Variants in LOC400499 observed in about 807,000 individuals in gnomAD.
chr16:11,374,799 C>A, the LOC400499 span, among the ~76,000 whole-genome samples: 1 of 152,116 alleles, frequency 6.6e-6, no homozygotes, highest in Non-Finnish European at 1.5e-5. Flanking sequence ...ATGTGTGAGA[C>A]CCTTTGAATT....
At chr16:11,431,165 C>G in the LOC400499 span, 2 of 399,028 alleles carry the variant, frequency 5.0e-6, no homozygotes, top group Non-Finnish European at 8.8e-6. Flanking sequence ...CTCCATTCCT[C>G]AGATGCCTTG....
chr16:11,426,890 C>T, the LOC400499 span, among the ~76,000 whole-genome samples: 1 of 92,824 alleles, frequency 1.1e-5, no homozygotes, highest in Admixed American at 1.4e-4. Flanking sequence ...GAACAAGACC[C>T]CATCTCAAAA....
the LOC400499 span, among the ~76,000 whole-genome samples, chr16:11,416,611 G>C: frequency 6.6e-6 from 1 of 152,138 alleles, no homozygotes; most frequent in Non-Finnish European, 1.5e-5. Context: ...GAAAAACAAA[G>C]GTATTTGTAT....
the LOC400499 span, among the ~76,000 whole-genome samples, chr16:11,465,708 G>A: frequency 6.6e-6 from 1 of 151,888 alleles, no homozygotes; most frequent in East Asian, 1.9e-4. Context: ...AGGGGTTTGA[G>A]GCTGCAGTGA....
At chr16:11,428,173 T>C in the LOC400499 span, among the ~76,000 whole-genome samples, 2 of 152,070 alleles carry the variant, frequency 1.3e-5, no homozygotes, top group Non-Finnish European at 1.5e-5. Flanking sequence ...GCCTCCCCTT[T>C]GTGTTTATTT....
At chr16:11,513,174 T>G in the LOC400499 span, among the ~76,000 whole-genome samples, 11 of 151,644 alleles carry the variant, frequency 7.3e-5, no homozygotes, top group African/African-American at 2.4e-4. Context: ...GAGGGCGAGG[T>G]GGAAGGATTA....
chr16:11,488,776 G>A, the LOC400499 span: 3 of 398,926 alleles, frequency 7.5e-6, no homozygotes, highest in Admixed American at 4.4e-5. Context: ...CCTGGCTGAG[G>A]ATGTCCTCGG....
At chr16:11,500,933 C>A in the LOC400499 span, 1 of 398,982 alleles carries the variant, frequency 2.5e-6, no homozygotes. Context: ...CACAGTGCTC[C>A]GTCCCACAGG....
chr16:11,429,364 C>G, the LOC400499 span, among the ~76,000 whole-genome samples: 1 of 152,132 alleles, frequency 6.6e-6, no homozygotes, highest in Non-Finnish European at 1.5e-5. Flanking sequence ...TATGAGCCAA[C>G]GTCTTTGTAA....
At chr16:11,375,650 AG>A in the LOC400499 span, among the ~76,000 whole-genome samples, 2 of 151,182 alleles carry the variant, frequency 1.3e-5, no homozygotes, top group African/African-American at 4.9e-5. Flanking sequence ...CCTAATAATT[AG>A]TGATGTTGAG....
the LOC400499 span, among the ~76,000 whole-genome samples, chr16:11,512,922 G>C: frequency 4.1e-4 from 63 of 152,212 alleles, no homozygotes; most frequent in Non-Finnish European, 7.6e-4. Context: ...GAAATCCCAA[G>C]GTCCCATCTA....
At chr16:11,412,765 T>A in the LOC400499 span, 1 of 398,000 alleles carries the variant, frequency 2.5e-6, no homozygotes, top group East Asian at 3.6e-5. Context: ...AGGTGCTGTG[T>A]CCAGCGATGG....
the LOC400499 span, among the ~76,000 whole-genome samples, chr16:11,490,883 G>A: frequency 4.6e-5 from 7 of 152,216 alleles, no homozygotes; most frequent in Non-Finnish European, 8.8e-5. Context: ...GGGGGAAGAG[G>A]AAGGAAGACT....
At chr16:11,470,486 G>T in the LOC400499 span, 1 of 152,112 alleles carries the variant, frequency 6.6e-6, no homozygotes, top group Non-Finnish European at 1.5e-5. Flanking sequence ...TGGGTCCCCC[G>T]GAGCCTTTTC....
chr16:11,496,362 C>G, the LOC400499 span, among the ~76,000 whole-genome samples: 90 of 152,246 alleles, frequency 5.9e-4, no homozygotes, highest in African/African-American at 2.1e-3. Flanking sequence ...CCACCACGCC[C>G]GAGCTGCCCA....
chr16:11,500,488 G>C, the LOC400499 span, among the ~76,000 whole-genome samples: 4 of 143,922 alleles, frequency 2.8e-5, no homozygotes, highest in East Asian at 6.1e-4. Context: ...TCCAGCTTGG[G>C]CGACAGAGCA....
At chr16:11,437,863 G>A in the LOC400499 span, among the ~76,000 whole-genome samples, 1 of 152,026 alleles carries the variant, frequency 6.6e-6, no homozygotes, top group Non-Finnish European at 1.5e-5. Flanking sequence ...AGCGAGACTC[G>A]GTCTCGAAAA....
chr16:11,402,698 C>A, the LOC400499 span, among the ~76,000 whole-genome samples: 5 of 152,304 alleles, frequency 3.3e-5, no homozygotes, highest in East Asian at 7.7e-4. Flanking sequence ...CCAGCGGAGC[C>A]GCCCGCTCAC....
chr16:11,434,962 C>G, the LOC400499 span, among the ~76,000 whole-genome samples: 1 of 152,130 alleles, frequency 6.6e-6, no homozygotes, highest in Non-Finnish European at 1.5e-5. Flanking sequence ...TTATTTCATT[C>G]CTTTTTACAT....
Sources: allele counts gnomAD v4.1 joint callset (sites outside exome capture counted in the v4.1 genomes callset), GRCh38; gene constraint gnomAD v4.1.1; transcripts MANE v1.5.